Variants in MAPT observed in about 807,000 individuals in gnomAD.
MAPT encodes microtubule-associated protein tau.
MAPT carries 34 observed loss-of-function variants against 67.9 expected under a neutral mutation model. The ratio of observed to expected loss-of-function variants is 0.50; its 90% CI spans 0.38 to 0.67. The LOEUF is 0.67. Among genes scored for constraint, MAPT ranks in the 30% least tolerant of loss-of-function variants. MAPT has a pLI of 0.00. For missense variants in MAPT, 881 were observed against 1,115.2 expected (o/e 0.79, Z 2.99); for synonymous variants, 456 against 464.5 (o/e 0.98, Z 0.23).
intron 1 of MAPT, among the ~76,000 whole-genome samples, chr17:45,904,281 TATA>T (rs1370872656): frequency 1.9e-4 from 9 of 47,540 alleles, no homozygotes; most frequent in East Asian, 7.1e-4. Context: ...TTTTTATATA[TATA>T]ATATGTATAA....
intron 1 of MAPT, chr17:45,898,670 T>C (rs1021160749): frequency 6.6e-6 from 1 of 152,224 alleles, no homozygotes; most frequent in African/African-American, 2.4e-5. Flanking sequence ...GGACATGTGA[T>C]AATTTTCCAA....
intron 1 of MAPT, among the ~76,000 whole-genome samples, chr17:45,904,695 A>C: frequency 7.0e-6 from 1 of 141,886 alleles, no homozygotes; most frequent in Non-Finnish European, 1.6e-5. Flanking sequence ...CTGTCTCTAA[A>C]CTTTTTTTTT....
intron 1 of MAPT, among the ~76,000 whole-genome samples, chr17:45,913,167 G>T (rs888198233): frequency 6.6e-6 from 1 of 152,200 alleles, no homozygotes. Flanking sequence ...GTTCCAAGTG[G>T]CTGGGGAAGC....
chr17:45,967,655 C>G (rs1253219426), intron 2 of MAPT, among the ~76,000 whole-genome samples: 3 of 152,042 alleles, frequency 2.0e-5, no homozygotes, highest in Admixed American at 1.3e-4. Flanking sequence ...CTCCACTTGC[C>G]TTTTTTTCAT....
chr17:45,998,788 C>T (rs771768116), intron 9 of MAPT, among the ~76,000 whole-genome samples: 2 of 152,204 alleles, frequency 1.3e-5, no homozygotes, highest in East Asian at 1.9e-4. Flanking sequence ...CTTTCCAGTC[C>T]TCATTCGGTT....
At chr17:45,945,833 A>G (rs1008103260) in intron 1 of MAPT, among the ~76,000 whole-genome samples, 2 of 152,162 alleles carry the variant, frequency 1.3e-5, no homozygotes, top group Admixed American at 1.3e-4. Context: ...AAAAAAAGAC[A>G]AAGCTTGTTA....
chr17:46,003,099 C>CGTGTGTGTGTGTGT (rs72293848), intron 9 of MAPT, among the ~76,000 whole-genome samples: 2 of 145,278 alleles, frequency 1.4e-5, no homozygotes, highest in African/African-American at 5.1e-5. Flanking sequence ...TTTTTAAGGG[C>CGTGTGTGTGTGTGT]GTGTGTGTGT....
At chr17:45,982,790 C>A in intron 4 of MAPT, 76 bp from the exon 5 acceptor site, 2 of 769,104 alleles carry the variant, frequency 2.6e-6, no homozygotes, top group South Asian at 4.7e-5. Flanking sequence ...GTCATTTTGT[C>A]CAGGATGATG....
chr17:45,912,167 G>T (rs1406388890), intron 1 of MAPT, among the ~76,000 whole-genome samples: 2 of 152,318 alleles, frequency 1.3e-5, no homozygotes, highest in Non-Finnish European at 1.5e-5. Context: ...AGGTAGGGCT[G>T]TCAGAATTAG....
At chr17:45,956,171 C>T (rs563084027) in intron 1 of MAPT, among the ~76,000 whole-genome samples, 2 of 152,348 alleles carry the variant, frequency 1.3e-5, no homozygotes, top group East Asian at 1.9e-4. Flanking sequence ...GTGCCTTTGA[C>T]CTGCTCTGTC....
Position 45,983,650 on chromosome 17 carries a change from A to G in MAPT, c.1071A>G (p.Ser357=). 1 of 1,614,030 alleles carries G rather than the reference A, an allele frequency of 6.2e-7. No homozygotes were observed. Among genetic ancestry groups the G allele is most frequent in the Non-Finnish European group, 8.5e-7 (1 of 1,180,022 alleles). ...AAGTTTCCACAGAGATCCCAGCCTC[A>G]GAGCCCGACGGGCCCAGTGTAGGGC... ...LSKVSTEIPA[S]EPDGPSVGRA... The change falls in exon 5 of 13, where the codon TCA becomes TCG. Residue 357 remains serine, a synonymous_variant. Transcript: ENST00000262410.
chr17:45,988,374 C>T (rs919462), intron 6 of MAPT, among the ~76,000 whole-genome samples: 22,077 of 152,276 alleles, frequency 0.14, 2,143 homozygotes, highest in Non-Finnish European at 0.22. Context: ...CTTTGTTTCC[C>T]GAGAGTGTGA....
intron 1 of MAPT, among the ~76,000 whole-genome samples, chr17:45,961,083 A>G (rs2070355827): frequency 6.6e-6 from 1 of 151,934 alleles, no homozygotes; most frequent in East Asian, 1.9e-4. Flanking sequence ...GAATGGGGCA[A>G]CCCGAATTGG....
intron 1 of MAPT, among the ~76,000 whole-genome samples, chr17:45,939,074 A>G (rs2067627859): frequency 6.6e-6 from 1 of 152,096 alleles, no homozygotes; most frequent in Admixed American, 6.5e-5. Context: ...TCAGCCTCTC[A>G]AAGTGCTGGG....
At chr17:45,934,565 T>C (rs1339573134) in intron 1 of MAPT, among the ~76,000 whole-genome samples, 1 of 152,170 alleles carries the variant, frequency 6.6e-6, no homozygotes, top group Non-Finnish European at 1.5e-5. Flanking sequence ...CCTCTGTCAC[T>C]GGAGTTTTGC....
chr17:45,961,362 C>T (rs555762588), intron 1 of MAPT, among the ~76,000 whole-genome samples: 1 of 152,188 alleles, frequency 6.6e-6, no homozygotes, highest in Admixed American at 6.5e-5. Context: ...AAGCCTCATG[C>T]CCCTACTGGG....
At chr17:46,018,594 G>A in intron 11 of MAPT, 24 bp from the exon 12 acceptor site, 1 of 1,485,140 alleles carries the variant, frequency 6.7e-7, no homozygotes, top group Non-Finnish European at 9.4e-7. Flanking sequence ...ATGGCAAGAT[G>A]CTCTTGTGTG....
At chr17:46,021,188 C>T (rs1183375718) in intron 12 of MAPT, among the ~76,000 whole-genome samples, 1 of 152,366 alleles carries the variant, frequency 6.6e-6, no homozygotes, top group African/African-American at 2.4e-5. Context: ...CCTCCAGACA[C>T]GCCCTGAGGC....
At chr17:45,956,595 TA>T (rs2069735565) in intron 1 of MAPT, among the ~76,000 whole-genome samples, 5 of 31,484 alleles carry the variant, frequency 1.6e-4, no homozygotes, top group African/African-American at 4.9e-4. Flanking sequence ...TATATATATA[TA>T]TATATTTTTT....
Sources: gnomAD v4.1 joint callset for allele counts (sites outside exome capture counted in the v4.1 genomes callset) on GRCh38, gnomAD v4.1.1 for gene constraint, MANE v1.5 for transcripts, NCBI Gene and HGNC (gene_info 2026-07-23, HGNC 2026-07-21) for gene names.